The following OGFOD1 variants were observed in gnomAD, a reference collection of about 807,000 sequenced individuals.
OGFOD1 encodes the protein 2-oxoglutarate and iron dependent oxygenase domain containing 1, also known as prolyl 3-hydroxylase OGFOD1.
A neutral mutation model predicts 67.7 loss-of-function variants in OGFOD1; 54 were observed. That is an observed-to-expected ratio of 0.80 (90% CI 0.64 to 1.00). OGFOD1 has a LOEUF of 1.00. Ranked by LOEUF, OGFOD1 falls within the 50% of genes least tolerant of loss-of-function variation. OGFOD1 has a pLI of 0.00. For missense variants in OGFOD1, 606 were observed against 646.7 expected, an observed-to-expected ratio of 0.94 and a Z score of 0.68; for synonymous variants, 221 against 227.0, an observed-to-expected ratio of 0.97 and a Z score of 0.24.
chr16:56,468,058 A>G lies in OGFOD1; in HGVS notation c.900+40A>G, dbSNP rs1327735737. Reference sequence around the variant, plus strand: ...TGTTGTTCTGAATATTTTGTTTGGCATGCAATTTTGCTTCCCAAATGGGTG... The same window carrying G: ...TGTTGTTCTGAATATTTTGTTTGGCGTGCAATTTTGCTTCCCAAATGGGTG... On this transcript the variant is annotated intron_variant, in intron 8 of 12. Transcript: ENST00000566157. 3.5e-6 allele frequency: 4 copies of G among 1,149,276 alleles called. No individual in the cohort carries two copies. In the East Asian group the frequency reaches 7.1e-5, roughly 20 times the overall value. The allele number at this position is 1,149,276 out of a possible 1,614,324, so 71.2% of individuals were successfully genotyped here. A position where few individuals can be genotyped will look rare whatever the true frequency, so the allele number is the denominator to read the frequency against.
intron 10 of OGFOD1, 120 bp from the exon 11 acceptor site, chr16:56,474,708 A>G (rs1364239949): frequency 1.4e-6 from 1 of 707,470 alleles, no homozygotes; most frequent in Non-Finnish European, 2.3e-6. Flanking sequence ...ACTTCAATCA[A>G]AGGTTTGTGG....
At chr16:56,466,042 C>T (rs2144011029) in intron 4 of OGFOD1, 110 bp from the exon 5 acceptor site, 3 of 716,852 alleles carry the variant, frequency 4.2e-6, no homozygotes, top group Non-Finnish European at 7.4e-6. Context: ...ACATTTAAAG[C>T]TGGAGCTGAC....
intron 2 of OGFOD1, among the ~76,000 whole-genome samples, chr16:56,457,772 C>A (rs1341511647): frequency 4.6e-5 from 7 of 152,156 alleles, no homozygotes; most frequent in Admixed American, 3.9e-4. Context: ...CCTCCGCCTC[C>A]AGGTTAAAAT....
At chr16:56,454,294 GCCAAGATCACATCATTGCACT>G (rs1255174566) in intron 2 of OGFOD1, among the ~76,000 whole-genome samples, 1 of 152,136 alleles carries the variant, frequency 6.6e-6, no homozygotes, top group African/African-American at 2.4e-5. Context: ...GTTGCAGTGA[GCCAAGATCACATCATTGCACT>G]CCAACCTGGG....
At chr16:56,457,599 C>CTT (rs11374664) in intron 2 of OGFOD1, among the ~76,000 whole-genome samples, 12 of 151,468 alleles carry the variant, frequency 7.9e-5, no homozygotes, top group Admixed American at 2.6e-4. Context: ...ACTCCAATGA[C>CTT]TTTTTTTTTC....
intron 2 of OGFOD1, among the ~76,000 whole-genome samples, chr16:56,457,190 A>C (rs958870497): frequency 8.5e-5 from 13 of 152,282 alleles, no homozygotes; most frequent in African/African-American, 2.9e-4. Flanking sequence ...TTTAATGAAT[A>C]AACAAAATGT....
chr16:56,469,139 G>A (rs1482812662), intron 8 of OGFOD1, among the ~76,000 whole-genome samples: 3 of 152,152 alleles, frequency 2.0e-5, no homozygotes, highest in African/African-American at 4.8e-5. Context: ...ATTTATAACT[G>A]ATAGGACTGC....
intron 10 of OGFOD1, among the ~76,000 whole-genome samples, 174 bp downstream of exon 10, chr16:56,470,965 A>T (rs559683654): frequency 6.6e-6 from 1 of 152,312 alleles, no homozygotes; most frequent in East Asian, 1.9e-4. Flanking sequence ...CTAGTAGAAG[A>T]AGACAGAGAT....
At chr16:56,464,692 C>T (rs558151522) in intron 4 of OGFOD1, among the ~76,000 whole-genome samples, 4 of 152,070 alleles carry the variant, frequency 2.6e-5, no homozygotes, top group African/African-American at 7.2e-5. Context: ...CTGACTTCTG[C>T]GTTCTTTTGC....
intron 3 of OGFOD1, among the ~76,000 whole-genome samples, chr16:56,459,947 C>A (rs1225274734): frequency 6.6e-6 from 1 of 151,808 alleles, no homozygotes; most frequent in Non-Finnish European, 1.5e-5. Flanking sequence ...ATAGATGTTG[C>A]TTTGTAATAG....
intron 2 of OGFOD1, among the ~76,000 whole-genome samples, chr16:56,454,111 G>A (rs1215281514): frequency 1.3e-5 from 2 of 152,204 alleles, no homozygotes; most frequent in Non-Finnish European, 2.9e-5. Flanking sequence ...ACTTTGGGAG[G>A]CCAAGGCGGG....
rs773014786 is a variant in OGFOD1 at position 56,476,063 on chromosome 16, A to G, written c.1487A>G (p.Glu496Gly). The G allele has an allele frequency of 2.5e-6, 4 of 1,612,570 alleles. No homozygotes were observed. The African/African-American group carries it at 5.3e-5, about 22-fold the overall frequency. ...EDEELLTVNP[E>G]SNSLALVYRD... ...TTTCAGCTGCTAACAGTGAATCCAGAAAGCAATTCTTTGGCATTGGTCTAC... is the reference window on the plus strand; with the variant it reads ...TTTCAGCTGCTAACAGTGAATCCAGGAAGCAATTCTTTGGCATTGGTCTAC... Residue 496 changes from glutamate to glycine, a missense_variant, in exon 13 of 13, where the codon GAA (glutamate) becomes GGA (glycine). Glu to Gly is a moderately conservative substitution (Grantham distance 98). Coordinates refer to ENST00000566157, the MANE Select transcript of OGFOD1 (RefSeq NM_018233.4).
At chr16:56,475,151 GA>G (rs1963398690) in intron 11 of OGFOD1, among the ~76,000 whole-genome samples, 1 of 152,174 alleles carries the variant, frequency 6.6e-6, no homozygotes, top group Non-Finnish European at 1.5e-5. Context: ...CTGTGACTAG[GA>G]AATGGGGAGA....
chr16:56,473,674 G>A (rs1196889683), intron 10 of OGFOD1, among the ~76,000 whole-genome samples: 1 of 151,274 alleles, frequency 6.6e-6, no homozygotes, highest in Non-Finnish European at 1.5e-5. Flanking sequence ...ATGGTGCGTG[G>A]TTGTATATTT....
chr16:56,476,536 C>T lies in OGFOD1; in HGVS notation c.*331C>T, dbSNP rs1370564509. On this transcript the variant is annotated 3_prime_UTR_variant, in exon 13 of 13. Coordinates refer to ENST00000566157, the MANE Select transcript of OGFOD1 (RefSeq NM_018233.4). ...TATAACATAAAACTGACCAGCTTACCCATTTTTAAATATGCAATTCAGTGG... is the reference window on the plus strand; with the variant it reads ...TATAACATAAAACTGACCAGCTTACTCATTTTTAAATATGCAATTCAGTGG... 5.8e-6 allele frequency: 1 copy of T among 172,864 alleles called. No homozygotes were observed. The highest frequency in any genetic ancestry group is 2.4e-5 in the African/African-American group (1 of 42,054). The allele number at this position is 172,864 out of a possible 1,614,324, so 10.7% of individuals were successfully genotyped here. A position where few individuals can be genotyped will look rare whatever the true frequency, so the allele number is the denominator to read the frequency against.
rs774229343 is a variant in OGFOD1, at chr16:56,451,584, C to A, written c.-29C>A. 47 of 1,611,398 alleles carry A rather than the reference C, an allele frequency of 2.9e-5. No homozygotes were observed. Among genetic ancestry groups the A allele is most frequent in the Non-Finnish European group, 3.6e-5 (42 of 1,179,330 alleles). ...CTCAGGAAGGTAGCGTCTTGATCTG[C>A]GTGGCGTGGTTCTGTGCCTTGGGAA... On this transcript the variant is annotated 5_prime_UTR_variant, in exon 1 of 13. Transcript: ENST00000566157.
Position 56,470,043 on chromosome 16 carries a change from G to C in OGFOD1, c.941G>C (p.Gly314Ala), listed in dbSNP as rs1963093882. The change falls in exon 9 of 13, where the codon GGA becomes GCA. Residue 314 changes from glycine to alanine, a missense_variant. Transcript: ENST00000566157. ...AAAGTCTGTGAGGCCTTGGAGCATG[G>C]ACATGTGGAATGGAGCAGCCGAGGT... is the stretch of plus-strand genomic sequence containing the variant. ...FTKVCEALEH[G>A]HVEWSSRGPP... 1 of 1,614,072 alleles carries C rather than the reference G, an allele frequency of 6.2e-7. No individual in the cohort carries two copies. The highest frequency in any genetic ancestry group is 1.3e-5 in the African/African-American group (1 of 74,996).
chr16:56,457,872 G>T (rs1160972970), intron 2 of OGFOD1, among the ~76,000 whole-genome samples: 8 of 152,026 alleles, frequency 5.3e-5, no homozygotes, highest in Non-Finnish European at 8.8e-5. Context: ...TAGAGACAGG[G>T]TTTCACCACG....
intron 7 of OGFOD1, 80 bp downstream of exon 7, chr16:56,467,373 A>G (rs1596977922): frequency 1.3e-6 from 2 of 1,495,970 alleles, no homozygotes; most frequent in Non-Finnish European, 9.2e-7. Flanking sequence ...TAGCTGTTCC[A>G]TTTAATGAAA....
Sources: allele counts gnomAD v4.1 joint callset (sites outside exome capture counted in the v4.1 genomes callset), GRCh38; gene constraint gnomAD v4.1.1; transcripts MANE v1.5; gene names NCBI Gene and HGNC (gene_info 2026-07-23, HGNC 2026-07-21).